OR2L13: variants seen among roughly 807,000 people sequenced by gnomAD.
OR2L13 encodes olfactory receptor 2L13.
OR2L13 carries 14 observed loss-of-function variants against 15.3 expected under a neutral mutation model. The ratio of observed to expected loss-of-function variants is 0.91; its 90% CI spans 0.60 to 1.43. The LOEUF is 1.43. Among genes scored for constraint, OR2L13 ranks in the 40% most tolerant of loss-of-function variants. OR2L13 has a pLI of 0.00. For missense variants in OR2L13, 367 were observed against 387.9 expected (o/e 0.95, Z 0.45); for synonymous variants, 152 against 142.9 (o/e 1.06, Z -0.45).
At chr1:248,059,333 T>C in the OR2L13 span, among the ~76,000 whole-genome samples, 10 of 152,236 alleles carry the variant, frequency 6.6e-5, no homozygotes, top group Admixed American at 4.6e-4. Context: ...AACGCACCTC[T>C]ACCCGGAAGT....
the OR2L13 span, chr1:247,966,006 A>G: frequency 1.9e-6 from 3 of 1,613,252 alleles, no homozygotes; most frequent in African/African-American, 1.3e-5. Flanking sequence ...TGCTACTACC[A>G]TTCCTAGCCA....
At chr1:247,944,523 T>C in the OR2L13 span, among the ~76,000 whole-genome samples, 1 of 152,138 alleles carries the variant, frequency 6.6e-6, no homozygotes, top group East Asian at 1.9e-4. Flanking sequence ...GTGTTTTCAT[T>C]GTTCAGCATC....
the OR2L13 span, among the ~76,000 whole-genome samples, chr1:248,073,268 C>T: frequency 1.3e-5 from 2 of 152,168 alleles, no homozygotes; most frequent in Non-Finnish European, 2.9e-5. Flanking sequence ...AAATGTGGCA[C>T]ATATACACCA....
chr1:248,069,139 C>G, the OR2L13 span, among the ~76,000 whole-genome samples: 4 of 152,056 alleles, frequency 2.6e-5, no homozygotes, highest in African/African-American at 9.7e-5. Context: ...CAAAGATACT[C>G]CTCGAGAAGA....
chr1:247,950,815 C>T, the OR2L13 span, among the ~76,000 whole-genome samples: 873 of 151,898 alleles, frequency 5.7e-3, 12 homozygotes, highest in African/African-American at 0.02. Context: ...ATAGATAGCA[C>T]GAATAAGAGC....
chr1:248,004,019 A>G, the OR2L13 span: 1 of 1,613,598 alleles, frequency 6.2e-7, no homozygotes, highest in Non-Finnish European at 8.5e-7. Context: ...CAAGGAGGTG[A>G]TGGGGGCCCT....
At chr1:247,975,557 TCCTCA>T in the OR2L13 span, 1 of 1,280,056 alleles carries the variant, frequency 7.8e-7, no homozygotes, top group Non-Finnish European at 1.1e-6. Context: ...TTCTACACCA[TCCTCA>T]CCTCAATGCT....
chr1:248,034,484 A>G, the OR2L13 span, among the ~76,000 whole-genome samples: 1 of 152,336 alleles, frequency 6.6e-6, no homozygotes, highest in Admixed American at 6.5e-5. Flanking sequence ...TAGAAATTTT[A>G]GCATGGTTTT....
the OR2L13 span, among the ~76,000 whole-genome samples, chr1:248,086,280 C>A: frequency 6.6e-6 from 1 of 152,082 alleles, no homozygotes; most frequent in Non-Finnish European, 1.5e-5. Context: ...AATGGTTATA[C>A]TTTTTCATTC....
At chr1:248,084,559 A>G in the OR2L13 span, 1 of 1,612,634 alleles carries the variant, frequency 6.2e-7, no homozygotes, top group Non-Finnish European at 8.5e-7. Context: ...AAAGAGTCCC[A>G]GGAGAATAAA....
chr1:248,078,852 T>C, the OR2L13 span, among the ~76,000 whole-genome samples: 2 of 149,560 alleles, frequency 1.3e-5, no homozygotes, highest in Non-Finnish European at 3.0e-5. Context: ...TTGTACTTTG[T>C]AAAAAAAAGA....
At chr1:248,022,775 C>A in the OR2L13 span, 1 of 1,614,036 alleles carries the variant, frequency 6.2e-7, no homozygotes, top group Non-Finnish European at 8.5e-7. Flanking sequence ...TGGCTGTTTT[C>A]TACACCATCC....
the OR2L13 span, among the ~76,000 whole-genome samples, chr1:248,045,170 G>A: frequency 6.6e-6 from 1 of 152,170 alleles, no homozygotes; most frequent in Non-Finnish European, 1.5e-5. Flanking sequence ...AAAGAACTAT[G>A]TGATTTAATG....
At chr1:247,962,324 T>G in the OR2L13 span, among the ~76,000 whole-genome samples, 1 of 152,158 alleles carries the variant, frequency 6.6e-6, no homozygotes, top group Non-Finnish European at 1.5e-5. Flanking sequence ...TAACTACTGA[T>G]TCAGTAGACT....
upstream of OR2L13, among the ~76,000 whole-genome samples, chr1:248,091,040 T>C (rs368216685): frequency 2.0e-5 from 3 of 152,306 alleles, no homozygotes; most frequent in African/African-American, 7.2e-5. Flanking sequence ...TGATTAGTAA[T>C]GTTGAGTACT....
the OR2L13 span, among the ~76,000 whole-genome samples, chr1:247,976,792 C>T: frequency 6.6e-6 from 1 of 152,206 alleles, no homozygotes; most frequent in African/African-American, 2.4e-5. Context: ...GTACCTGGAA[C>T]TTTATGTTCT....
the OR2L13 span, among the ~76,000 whole-genome samples, chr1:248,028,140 C>CAAAAAAAAAAA: frequency 6.9e-4 from 26 of 37,784 alleles, 1 homozygote; most frequent in Non-Finnish European, 9.8e-4. Context: ...GATTCCGTCT[C>CAAAAAAAAAAA]AAAAAAAAAA....
chr1:248,044,440 C>T, the OR2L13 span, among the ~76,000 whole-genome samples: 2 of 152,286 alleles, frequency 1.3e-5, no homozygotes, highest in South Asian at 4.1e-4. Flanking sequence ...TGTCTCATGA[C>T]GTCACCACTC....
chr1:248,015,412 T>C, the OR2L13 span, among the ~76,000 whole-genome samples: 3 of 152,212 alleles, frequency 2.0e-5, no homozygotes, highest in Middle Eastern at 3.4e-3. Context: ...TAGACAAGTG[T>C]TGTCAATGTG....
Sources: allele counts gnomAD v4.1 joint callset (sites outside exome capture counted in the v4.1 genomes callset), GRCh38; gene constraint gnomAD v4.1.1; transcripts MANE v1.5; gene names NCBI Gene and HGNC (gene_info 2026-07-23, HGNC 2026-07-21).